The following XXYLT1 variants were observed in gnomAD, a reference collection of about 807,000 sequenced individuals.
The protein encoded by XXYLT1 is UDP-xylose:alpha-xyloside alpha-1,3-xylosyltransferase.
A neutral mutation model predicts 28.9 loss-of-function variants in XXYLT1; 20 were observed. The ratio of observed to expected loss-of-function variants is 0.69; its 90% CI spans 0.49 to 1.00. The LOEUF is 1.00. Among genes scored for constraint, XXYLT1 ranks in the 50% least tolerant of loss-of-function variants. The pLI is 0.00. For missense variants in XXYLT1, 542 were observed against 560.1 expected (o/e 0.97, Z 0.33); for synonymous variants, 257 against 253.8 (o/e 1.01, Z -0.12).
At chr3:195,264,994 C>T (rs1177020588) in intron 1 of XXYLT1, among the ~76,000 whole-genome samples, 33 of 151,904 alleles carry the variant, frequency 2.2e-4, no homozygotes, top group Non-Finnish European at 2.9e-5. Context: ...GAGTTTGAAG[C>T]TACAGTGAGC....
intron 3 of XXYLT1, among the ~76,000 whole-genome samples, chr3:195,074,575 A>G (rs1379508147): frequency 1.3e-5 from 2 of 151,982 alleles, no homozygotes; most frequent in Non-Finnish European, 2.9e-5. Flanking sequence ...CTTCATCCAC[A>G]CCAGCCAGGT....
At chr3:195,175,692 G>GGACT in intron 2 of XXYLT1, 2 of 1,536,128 alleles carry the variant, frequency 1.3e-6, no homozygotes, top group Non-Finnish European at 1.7e-6. Flanking sequence ...CCTGGCTGAT[G>GGACT]GACTATGAGC....
intron 3 of XXYLT1, among the ~76,000 whole-genome samples, chr3:195,075,752 T>A (rs1715076955): frequency 6.6e-6 from 1 of 152,192 alleles, no homozygotes; most frequent in African/African-American, 2.4e-5. Context: ...CTGTGGGACC[T>A]CCTAAGAAAC....
intron 1 of XXYLT1, chr3:195,270,135 G>T (rs1283706925): frequency 2.5e-6 from 1 of 392,464 alleles, no homozygotes; most frequent in Non-Finnish European, 4.9e-6. Context: ...ACTTCCAGAG[G>T]CCTCACCAAG....
chr3:195,270,096 G>T, intron 1 of XXYLT1: 2 of 292,636 alleles, frequency 6.8e-6, no homozygotes, highest in African/African-American at 2.2e-5. Context: ...TACCTTAAGA[G>T]CAATGAGAAG....
chr3:195,166,696 A>G (rs1291754893), intron 2 of XXYLT1, among the ~76,000 whole-genome samples: 1 of 150,932 alleles, frequency 6.6e-6, no homozygotes, highest in Non-Finnish European at 1.5e-5. Flanking sequence ...TGATTTATTG[A>G]TTTTGAGATG....
intron 3 of XXYLT1, among the ~76,000 whole-genome samples, chr3:195,142,004 A>G (rs904772112): frequency 5.3e-5 from 8 of 152,250 alleles, no homozygotes; most frequent in African/African-American, 1.9e-4. Flanking sequence ...TGTAATCACA[A>G]CTTTGATTAT....
intron 3 of XXYLT1, among the ~76,000 whole-genome samples, chr3:195,084,792 A>T (rs895842774): frequency 1.3e-5 from 2 of 152,200 alleles, no homozygotes; most frequent in Non-Finnish European, 2.9e-5. Context: ...AGGGTCCAGG[A>T]TGTGAAGAGC....
intron 3 of XXYLT1, chr3:195,085,996 G>C (rs999567964): frequency 5.3e-5 from 8 of 152,278 alleles, no homozygotes; most frequent in African/African-American, 1.9e-4. Context: ...GACTTTTCAA[G>C]CTTCTCTTTC....
chr3:195,170,755 C>T (rs951706980), intron 2 of XXYLT1, among the ~76,000 whole-genome samples: 4 of 152,140 alleles, frequency 2.6e-5, no homozygotes, highest in Non-Finnish European at 5.9e-5. Context: ...CCTAAAGGAA[C>T]CCACTAAGCC....
chr3:195,176,309 G>C lies in XXYLT1; in HGVS notation c.653-19728C>G, dbSNP rs769715776. ...CATGACCACATTCCAGTAATGACCTGAAAGGGAGAAGAGGTGACGTTCCCC... is the reference window on the plus strand; with the variant it reads ...CATGACCACATTCCAGTAATGACCTCAAAGGGAGAAGAGGTGACGTTCCCC... On this transcript the variant is annotated intron_variant, in intron 2 of 3. Coordinates refer to ENST00000310380, the MANE Select transcript of XXYLT1 (RefSeq NM_152531.5). The surrounding 1 kb of genome is among the most constrained non-coding windows in gnomAD (Gnocchi z 4.9). Among the ~76,000 whole-genome samples, 1 of 152,182 alleles carries C rather than the reference G, an allele frequency of 6.6e-6. No homozygotes were observed. The highest frequency in any genetic ancestry group is 1.5e-5 in the Non-Finnish European group (1 of 68,032).
intron 3 of XXYLT1, among the ~76,000 whole-genome samples, chr3:195,088,363 G>A (rs1230520672): frequency 6.8e-6 from 1 of 147,918 alleles, no homozygotes; most frequent in African/African-American, 2.4e-5. Context: ...GCCTCCTCAA[G>A]TGGGTCCCTG....
intron 3 of XXYLT1, chr3:195,122,219 C>G (rs1360088647): frequency 1.4e-6 from 1 of 701,766 alleles, no homozygotes; most frequent in African/African-American, 1.7e-5. Context: ...TCCAAAGGCC[C>G]CACCTCCTGA....
intron 1 of XXYLT1, among the ~76,000 whole-genome samples, chr3:195,267,636 T>C (rs887120030): frequency 6.6e-6 from 1 of 152,152 alleles, no homozygotes; most frequent in Non-Finnish European, 1.5e-5. Context: ...CTTAAGGAGT[T>C]TAGAGTCTAG....
Position 195,225,500 on chromosome 3 carries a change from G to A in XXYLT1, c.652+1209C>T, listed in dbSNP as rs376513779. Among the ~76,000 whole-genome samples, 73 of 152,248 alleles carry A rather than the reference G, an allele frequency of 4.8e-4. 1 individual carries two copies. The East Asian group carries it at 0.01, about 21-fold the overall frequency. ...CTGGAGGAGCAGGCCTCCACCATATGGCCCACTGTCCCCTGGGCTACCAGG... is the reference window on the plus strand; with the variant it reads ...CTGGAGGAGCAGGCCTCCACCATATAGCCCACTGTCCCCTGGGCTACCAGG... On this transcript the variant is annotated intron_variant, in intron 2 of 3. Coordinates refer to ENST00000310380, the MANE Select transcript of XXYLT1 (RefSeq NM_152531.5).
At chr3:195,230,968 G>A (rs1015795102) in intron 1 of XXYLT1, among the ~76,000 whole-genome samples, 1 of 152,036 alleles carries the variant, frequency 6.6e-6, no homozygotes, top group Non-Finnish European at 1.5e-5. Flanking sequence ...ATTGCTTTGG[G>A]TAGTATGGAA....
intron 3 of XXYLT1, among the ~76,000 whole-genome samples, chr3:195,132,855 AATATGATTCTC>A (rs1718972631): frequency 1.3e-5 from 2 of 152,248 alleles, no homozygotes; most frequent in Admixed American, 1.3e-4. Context: ...TGAGATGCAC[AATATGATTCTC>A]ATTTTACCAA....
chr3:195,260,814 T>C (rs919844842), intron 1 of XXYLT1, among the ~76,000 whole-genome samples: 1 of 152,226 alleles, frequency 6.6e-6, no homozygotes, highest in Non-Finnish European at 1.5e-5. Flanking sequence ...GCTTCCTTCC[T>C]GTTCCGATGT....
intron 3 of XXYLT1, among the ~76,000 whole-genome samples, chr3:195,110,541 GT>G (rs1234726902): frequency 0.016 from 337 of 21,156 alleles, 61 homozygotes; most frequent in African/African-American, 0.037. Flanking sequence ...GTGTGCGTGT[GT>G]GTGGTGTGTG....
Sources: allele counts gnomAD v4.1 joint callset (sites outside exome capture counted in the v4.1 genomes callset), GRCh38; gene constraint gnomAD v4.1.1; non-coding constraint Gnocchi (gnomAD v3.1); transcripts MANE v1.5; gene names NCBI Gene and HGNC (gene_info 2026-07-23, HGNC 2026-07-21).